ACYP2: variants seen among roughly 807,000 people sequenced by gnomAD.
The protein encoded by ACYP2 is acylphosphatase 2.
A neutral mutation model predicts 11.2 loss-of-function variants in ACYP2; 12 were observed. The observed-to-expected ratio is 1.08, with a 90% CI of 0.69 to 1.74. The LOEUF (loss-of-function observed/expected upper bound fraction) is 1.74. Ranked by LOEUF, ACYP2 falls within the 40% of genes most tolerant of loss-of-function variation. ACYP2 has a pLI of 0.00. For missense variants in ACYP2, 134 were observed against 101.9 expected, an observed-to-expected ratio of 1.31 and a Z score of -1.35; for synonymous variants, 43 against 32.2, an observed-to-expected ratio of 1.33 and a Z score of -1.13.
At chr2:54,266,468 T>C (rs968616101) in intron 6 of ACYP2, among the ~76,000 whole-genome samples, 2 of 151,512 alleles carry the variant, frequency 1.3e-5, no homozygotes, top group Admixed American at 1.3e-4. Flanking sequence ...CACAACACCC[T>C]ATAAACCAGG....
intron 4 of ACYP2, among the ~76,000 whole-genome samples, chr2:54,068,970 C>T (rs1179442829): frequency 1.3e-5 from 2 of 151,816 alleles, no homozygotes; most frequent in Admixed American, 1.3e-4. Context: ...TCTGTCGCCC[C>T]GGCTGGAGTG....
intron 2 of ACYP2, among the ~76,000 whole-genome samples, chr2:54,010,186 C>G (rs1335653970): frequency 2.0e-5 from 3 of 152,000 alleles, no homozygotes; most frequent in Non-Finnish European, 4.4e-5. Context: ...ATCAGCCTGT[C>G]AAAAAGTCAT....
chr2:54,006,170 G>A lies in ACYP2; in HGVS notation c.62+32360G>A, dbSNP rs181735566. On this transcript the variant is annotated intron_variant, in intron 2 of 6. Transcript: ENST00000607452. ...TAATTTTCTAATTTTTTTTTGAGACGAAGTCTCACTCTTGTCCCCCAGGCT... is the reference window on the plus strand; with the variant it reads ...TAATTTTCTAATTTTTTTTTGAGACAAAGTCTCACTCTTGTCCCCCAGGCT... Among the ~76,000 whole-genome samples the A allele has an allele frequency of 6.9e-3, 1,041 of 151,922 alleles. 36 individuals are homozygous for A. The highest frequency in any genetic ancestry group is 0.054 in the Admixed American group (825 of 15,226).
At position 54,046,643 on chromosome 2, in the gene ACYP2, A is replaced by G. The variant is rs150298862; in HGVS notation, c.63-4315A>G. ...GTTGAGGCATGGGGATAAGGCCACA[A>G]TGGAGGAAAGTGATATGAACAAAAG... On this transcript the variant is annotated intron_variant, in intron 2 of 6. Coordinates refer to ENST00000607452, the MANE Select transcript of ACYP2 (RefSeq NM_001320586.2). Among the ~76,000 whole-genome samples, 27 of 152,274 alleles carry G rather than the reference A, an allele frequency of 1.8e-4. No individual in the cohort carries two copies. In the East Asian group the frequency reaches 4.6e-3, roughly 26 times the overall value.
chr2:54,046,143 T>A (rs1675508116), intron 2 of ACYP2, among the ~76,000 whole-genome samples: 2 of 139,942 alleles, frequency 1.4e-5, no homozygotes, highest in Non-Finnish European at 3.0e-5. Flanking sequence ...GCACTCTAGC[T>A]TGGGTGACAA....
intron 6 of ACYP2, among the ~76,000 whole-genome samples, chr2:54,232,314 G>A (rs1472028079): frequency 6.6e-6 from 1 of 152,122 alleles, no homozygotes; most frequent in Non-Finnish European, 1.5e-5. Flanking sequence ...TTCCCAGAAA[G>A]AAGCTCTTGG....
chr2:54,100,279 G>T (rs1414908549), intron 4 of ACYP2, among the ~76,000 whole-genome samples: 1 of 147,758 alleles, frequency 6.8e-6, no homozygotes, highest in Admixed American at 6.7e-5. Flanking sequence ...AATGTTTCTA[G>T]TTTTATGTTA....
chr2:53,973,108 T>C (rs1671256099), intron 1 of ACYP2, among the ~76,000 whole-genome samples: 1 of 152,106 alleles, frequency 6.6e-6, no homozygotes, highest in African/African-American at 2.4e-5. Flanking sequence ...GGGTGTCTCA[T>C]GGAGAAGCGA....
chr2:53,996,965 C>G (rs1351081006), intron 2 of ACYP2, among the ~76,000 whole-genome samples: 2 of 152,178 alleles, frequency 1.3e-5, no homozygotes, highest in Non-Finnish European at 2.9e-5. Flanking sequence ...ACTATTTAGG[C>G]TGATACTCAA....
rs1357393804 is a variant in ACYP2, at chr2:53,994,346, A to C, written c.62+20536A>C. Among the ~76,000 whole-genome samples the C allele has an allele frequency of 2.0e-5, 3 of 148,798 alleles. No homozygotes were observed. In the East Asian group the frequency reaches 5.9e-4, roughly 29 times the overall value. ...CTCCGTCTCAAAAAAAAAAAAAAAA[A>C]AAAAAACGAAAAAAAACAAAATATT... On this transcript the variant is annotated intron_variant, in intron 2 of 6. Coordinates refer to ENST00000607452, the MANE Select transcript of ACYP2 (RefSeq NM_001320586.2).
intron 4 of ACYP2, among the ~76,000 whole-genome samples, chr2:54,102,323 A>G (rs72906760): frequency 0.044 from 6,688 of 152,292 alleles, 506 homozygotes; most frequent in African/African-American, 0.15. Context: ...CATTGTTACA[A>G]TGAGAGACAC....
chr2:54,302,634 C>A (rs373473710), intron 6 of ACYP2, among the ~76,000 whole-genome samples: 3 of 152,220 alleles, frequency 2.0e-5, no homozygotes, highest in Non-Finnish European at 4.4e-5. Flanking sequence ...ATAGGTCCAA[C>A]TGCCTACTCA....
intron 2 of ACYP2, among the ~76,000 whole-genome samples, chr2:53,994,314 A>G (rs1481591946): frequency 7.8e-5 from 10 of 128,822 alleles, no homozygotes; most frequent in Admixed American, 2.7e-4. Context: ...TGGGTAACAG[A>G]GCAAGACTCC....
intron 6 of ACYP2, among the ~76,000 whole-genome samples, chr2:54,269,341 A>C (rs1291675419): frequency 2.6e-5 from 4 of 152,260 alleles, no homozygotes. Flanking sequence ...GAAATATGTT[A>C]GGAGCTACAT....
intron 6 of ACYP2, among the ~76,000 whole-genome samples, chr2:54,242,081 G>A (rs537162229): frequency 3.9e-5 from 6 of 152,302 alleles, no homozygotes; most frequent in Admixed American, 1.3e-4. Context: ...TATAATACGC[G>A]TAGTAAAAGT....
intron 6 of ACYP2, among the ~76,000 whole-genome samples, chr2:54,211,022 C>T (rs1685311523): frequency 6.6e-6 from 1 of 152,206 alleles, no homozygotes; most frequent in Non-Finnish European, 1.5e-5. Flanking sequence ...GGCCTTCCTT[C>T]TGGCCGTACA....
In ACYP2 at chr2:54,249,289, T is replaced by C. The variant is rs187613760; in HGVS notation, c.405-55399T>C. On this transcript the variant is annotated intron_variant, in intron 6 of 6. Transcript: ENST00000607452. ...TGGAAAGGGAACAATTCTGGAAGCA[T>C]TGTGCAAATTGACTTGTCAGACTCT... Among the ~76,000 whole-genome samples the C allele has an allele frequency of 5.3e-5, 8 of 152,202 alleles. 1 individual carries two copies. The highest frequency in any genetic ancestry group is 1.9e-4 in the African/African-American group (8 of 41,538).
chr2:54,270,442 C>A (rs1326063089), intron 6 of ACYP2, among the ~76,000 whole-genome samples: 1 of 152,080 alleles, frequency 6.6e-6, no homozygotes, highest in Non-Finnish European at 1.5e-5. Context: ...GTTATCCTGG[C>A]AATTATTAAA....
At chr2:54,065,500 A>G (rs1676699934) in intron 4 of ACYP2, 2 of 398,630 alleles carry the variant, frequency 5.0e-6, no homozygotes, top group Non-Finnish European at 4.4e-6. Context: ...ATGCTTGGCT[A>G]TCCCTGATCA....
Sources: allele counts gnomAD v4.1 joint callset (sites outside exome capture counted in the v4.1 genomes callset), GRCh38; gene constraint gnomAD v4.1.1; transcripts MANE v1.5; gene names NCBI Gene and HGNC (gene_info 2026-07-23, HGNC 2026-07-21).